TRAP1: variants seen among roughly 807,000 people sequenced by gnomAD.
The protein encoded by TRAP1 is TNF receptor associated protein 1, also known as heat shock protein 75 kDa, mitochondrial.
In TRAP1, 102 loss-of-function variants were observed where a neutral mutation model predicts 89.1. The observed-to-expected ratio is 1.15, with a 90% CI of 0.98 to 1.35. The LOEUF (loss-of-function observed/expected upper bound fraction) is 1.35, where lower values mean the gene tolerates loss of function less well. Ranked by LOEUF, TRAP1 falls within the 40% of genes most tolerant of loss-of-function variation. TRAP1 has a pLI of 0.00. For synonymous variants in TRAP1, 508 were observed against 388.0 expected (o/e 1.31, Z -3.64); for missense variants, 1,256 against 945.3 (o/e 1.33, Z -4.31).
chr16:3,675,277 G>T, intron 8 of TRAP1, 47 bp downstream of exon 8: 3 of 1,586,262 alleles, frequency 1.9e-6, no homozygotes, highest in Non-Finnish European at 2.6e-6. Context: ...GAAACGTACA[G>T]ATTTGTCTCC....
At chr16:3,675,884 GC>G (rs2050984651) in intron 7 of TRAP1, 151 bp downstream of exon 7, 10 of 677,142 alleles carry the variant, frequency 1.5e-5, no homozygotes, top group East Asian at 2.8e-5. Context: ...CTGGCGGGCA[GC>G]CCCCCTCCCA....
intron 1 of TRAP1, among the ~76,000 whole-genome samples, chr16:3,710,877 A>AT (rs1461150566): frequency 0.011 from 1,013 of 93,528 alleles, 13 homozygotes; most frequent in South Asian, 0.055. Flanking sequence ...ATATATATAT[A>AT]TATTTTTTTT....
At chr16:3,706,199 C>T (rs1026816746) in intron 1 of TRAP1, among the ~76,000 whole-genome samples, 1 of 152,074 alleles carries the variant, frequency 6.6e-6, no homozygotes, top group Non-Finnish European at 1.5e-5. Flanking sequence ...AGTAATCCAC[C>T]CACGTTAGCC....
intron 1 of TRAP1, among the ~76,000 whole-genome samples, chr16:3,715,987 CAAG>C (rs2051593449): frequency 6.6e-6 from 1 of 152,102 alleles, no homozygotes; most frequent in African/African-American, 2.4e-5. Flanking sequence ...CTCAGCCTCC[CAAG>C]AAGCTGGGAT....
At chr16:3,700,617 C>A (rs1331060142) in intron 1 of TRAP1, among the ~76,000 whole-genome samples, 1 of 152,024 alleles carries the variant, frequency 6.6e-6, no homozygotes, top group Non-Finnish European at 1.5e-5. Flanking sequence ...AGATGCACAT[C>A]ACCACGCCAG....
At chr16:3,659,734 TA>T (rs1197052063) in intron 16 of TRAP1, 1 of 145,604 alleles carries the variant, frequency 6.9e-6, no homozygotes, top group Non-Finnish European at 1.5e-5. Context: ...TGCATCCCTT[TA>T]AACACTTTTT....
chr16:3,662,205 G>A lies in TRAP1; in HGVS notation c.1795-73C>T, dbSNP rs1183252517. 1.9e-6 allele frequency: 3 copies of A among 1,548,540 alleles called. No homozygotes were observed. In the African/African-American group the frequency reaches 4.1e-5, roughly 21 times the overall value. On this transcript the variant is annotated intron_variant, in intron 15 of 17. Transcript: ENST00000246957. ...GAGGGCTGGCAGGATCTTACCAGGG[G>A]TGAAGGTCACCCAGACCACGAGGTA...
At chr16:3,691,135 CCA>C (rs2051209013) in intron 1 of TRAP1, 150 bp from the exon 2 acceptor site, 1 of 647,118 alleles carries the variant, frequency 1.5e-6, no homozygotes, top group Non-Finnish European at 2.4e-6. Context: ...GGACCAAATG[CCA>C]CAGTGTCAGG....
In TRAP1 at chr16:3,658,833, C is replaced by T. The variant is rs150558344; in HGVS notation, c.1973G>A (p.Arg658His). 45 of 1,613,874 alleles carry T rather than the reference C, an allele frequency of 2.8e-5. 1 individual carries two copies. The highest frequency in any genetic ancestry group is 2.5e-4 in the African/African-American group (19 of 74,940). The change falls in exon 17 of 18, where the codon CGC (arginine) becomes CAC (histidine). Residue 658 changes from arginine to histidine, a missense_variant. Arg to His is a conservative substitution (Grantham distance 29). Coordinates refer to ENST00000246957, the MANE Select transcript of TRAP1 (RefSeq NM_016292.3). ...HALIKKLNQL[R>H]ASEPGLAQLL... ...CTGAGCCAGGCCAGGCTCGCTTGCG[C>T]GCAGCTGATTCAGCTTCTTGATGAG... is the stretch of plus-strand genomic sequence containing the variant.
intron 17 of TRAP1, 49 bp from the exon 18 acceptor site, chr16:3,658,279 T>G (rs1422551879): frequency 2.8e-6 from 4 of 1,447,910 alleles, no homozygotes; most frequent in Non-Finnish European, 3.8e-6. Context: ...GGGCACCTTT[T>G]CATTTTTTTT....
Position 3,665,986 on chromosome 16 carries a change from G to C in TRAP1, c.1368C>G (p.Thr456=). 1 of 1,613,716 alleles carries C rather than the reference G, an allele frequency of 6.2e-7. No individual in the cohort carries two copies. Among genetic ancestry groups the C allele is most frequent in the South Asian group, 1.1e-5 (1 of 90,986 alleles). The change falls in exon 12 of 18, where the codon ACC becomes ACG. Residue 456 remains threonine, a synonymous_variant. Transcript: ENST00000246957. The part of the protein sequence containing the change: ...LFMREGIVTA[T]EQEVKEDIAK... ...GCTCCTATACCTTGACCTCCTGCTCGGTGGCGGTCACAATGCCCTCCCGCA... is the reference window on the plus strand; with the variant it reads ...GCTCCTATACCTTGACCTCCTGCTCCGTGGCGGTCACAATGCCCTCCCGCA...
intron 16 of TRAP1, chr16:3,661,471 C>CA (rs1362596829): frequency 6.6e-6 from 1 of 152,500 alleles, no homozygotes; most frequent in Non-Finnish European, 1.5e-5. Flanking sequence ...CAAGAATACT[C>CA]AGAGCAGCCT....
At chr16:3,679,651 CA>C in intron 5 of TRAP1, 67 bp downstream of exon 5, 1 of 1,541,610 alleles carries the variant, frequency 6.5e-7, no homozygotes, top group Admixed American at 1.7e-5. Flanking sequence ...CACCCAGGGC[CA>C]CCCCTACTGG....
At chr16:3,682,437 T>G (rs370347450) in intron 4 of TRAP1, among the ~76,000 whole-genome samples, 1 of 151,286 alleles carries the variant, frequency 6.6e-6, no homozygotes, top group East Asian at 1.9e-4. Flanking sequence ...GCTAGAGTGC[T>G]GGAGTGCAGT....
intron 9 of TRAP1, among the ~76,000 whole-genome samples, chr16:3,673,200 C>T (rs2050939065): frequency 6.6e-6 from 1 of 152,204 alleles, no homozygotes; most frequent in African/African-American, 2.4e-5. Flanking sequence ...GGTTTTTACA[C>T]TTTCAAACAG....
At chr16:3,708,675 G>C (rs986315116) in intron 1 of TRAP1, among the ~76,000 whole-genome samples, 1 of 151,852 alleles carries the variant, frequency 6.6e-6, no homozygotes, top group Non-Finnish European at 1.5e-5. Context: ...AATGAGCCGG[G>C]CATGGTGGCG....
intron 1 of TRAP1, among the ~76,000 whole-genome samples, chr16:3,717,219 G>A (rs775262622): frequency 6.6e-6 from 1 of 152,194 alleles, no homozygotes. Context: ...GGTGGCGAGG[G>A]GAGTCCAGCC....
Position 3,677,469 on chromosome 16 carries a change from C to T in TRAP1, c.704+29G>A, listed in dbSNP as rs376577205. 4 of 1,613,936 alleles carry T rather than the reference C, an allele frequency of 2.5e-6. No homozygotes were observed. The African/African-American group carries it at 5.3e-5, about 22-fold the overall frequency. On this transcript the variant is annotated intron_variant, in intron 6 of 17. Coordinates refer to ENST00000246957, the MANE Select transcript of TRAP1 (RefSeq NM_016292.3). ...CTAAGGGCTCCAGCTCAGCTTTGAG[C>T]TGCCTGTCAGGCGACATTCGTCACT... is the stretch of plus-strand genomic sequence containing the variant.
At chr16:3,661,635 G>C (rs770134825) in intron 16 of TRAP1, 4 of 235,946 alleles carry the variant, frequency 1.7e-5, no homozygotes, top group Non-Finnish European at 3.3e-5. Flanking sequence ...CTCATGCCAA[G>C]TGAGCAACGT....
Sources: gnomAD v4.1 joint callset for allele counts (sites outside exome capture counted in the v4.1 genomes callset) on GRCh38, gnomAD v4.1.1 for gene constraint, MANE v1.5 for transcripts, NCBI Gene and HGNC (gene_info 2026-07-23, HGNC 2026-07-21) for gene names.